The following GET1 variants were observed in gnomAD, a reference collection of about 807,000 sequenced individuals.
The protein encoded by GET1 is guided entry of tail-anchored proteins factor 1.
GET1 carries 20 observed loss-of-function variants against 22.6 expected under a neutral mutation model. The observed-to-expected ratio is 0.89, with a 90% CI of 0.62 to 1.29. The LOEUF is 1.29. Ranked by LOEUF, GET1 falls within the 50% of genes most tolerant of loss-of-function variation. The pLI is 0.00. For synonymous variants in GET1, 92 were observed against 83.8 expected, an observed-to-expected ratio of 1.10 and a Z score of -0.53; for missense variants, 209 against 219.9, an observed-to-expected ratio of 0.95 and a Z score of 0.31.
downstream of GET1, among the ~76,000 whole-genome samples, chr21:39,410,658 T>C (rs1014565860): frequency 6.6e-5 from 10 of 152,134 alleles, no homozygotes; most frequent in Admixed American, 5.2e-4. Context: ...TTCAGCAAGG[T>C]AGACGTGTAA....
intron 1 of GET1, among the ~76,000 whole-genome samples, chr21:39,412,384 C>A (rs2837012): frequency 0.72 from 110,260 of 152,084 alleles, 40,147 homozygotes; most frequent in Admixed American, 0.77. Flanking sequence ...TGAGTCTTGG[C>A]AAAACAGACA....
At chr21:39,425,587 T>A (rs964926554) in intron 1 of GET1, among the ~76,000 whole-genome samples, 22 of 152,128 alleles carry the variant, frequency 1.4e-4, no homozygotes, top group African/African-American at 5.1e-4. Flanking sequence ...CGAAGAGGTG[T>A]CTGTGGTTTT....
chr21:39,380,562 G>C (rs924374761), intron 1 of GET1, 76 bp downstream of exon 1: 4 of 1,553,892 alleles, frequency 2.6e-6, no homozygotes, highest in African/African-American at 1.4e-5. Flanking sequence ...CGTAGGTACA[G>C]GGGTCTCAAC....
At chr21:39,401,049 T>C (rs987105697), downstream of GET1, among the ~76,000 whole-genome samples, 1 of 152,076 alleles carries the variant, frequency 6.6e-6, no homozygotes. Context: ...TAGCTGGGAT[T>C]ACAGGCATGC....
chr21:39,400,791 T>G (rs1448766793), downstream of GET1, among the ~76,000 whole-genome samples: 3 of 152,156 alleles, frequency 2.0e-5, no homozygotes, highest in Non-Finnish European at 4.4e-5. Context: ...TGACTCTTAC[T>G]AGTGAATTCA....
intron 1 of GET1, 50 bp from the exon 2 acceptor site, chr21:39,390,648 T>C (rs765125906): frequency 1.2e-6 from 2 of 1,603,362 alleles, no homozygotes; most frequent in East Asian, 2.2e-5. Flanking sequence ...TGGGGAACCC[T>C]CCTGTGACCC....
chr21:39,406,270 C>T, exon 5 of GET1: 1 of 1,614,172 alleles, frequency 6.2e-7, no homozygotes, highest in African/African-American at 1.3e-5. Flanking sequence ...ATTGGCTGGC[C>T]CCCCTGAAGC....
At chr21:39,412,313 CG>C (rs771931249) in intron 1 of GET1, among the ~76,000 whole-genome samples, 9 of 151,932 alleles carry the variant, frequency 5.9e-5, no homozygotes, top group African/African-American at 1.2e-4. Flanking sequence ...AGACAAGGGC[CG>C]GGGGGGAAGC....
chr21:39,399,839 C>T (rs961927066), downstream of GET1, among the ~76,000 whole-genome samples: 8 of 151,828 alleles, frequency 5.3e-5, no homozygotes, highest in Non-Finnish European at 1.0e-4. Flanking sequence ...CTCTTCATAC[C>T]GATTTTGTCA....
At chr21:39,423,198 A>T (rs889818203) in intron 1 of GET1, 8 of 1,612,982 alleles carry the variant, frequency 5.0e-6, no homozygotes, top group Non-Finnish European at 6.8e-6. Context: ...TTTTTACTTC[A>T]TTCTGATGTT....
Position 39,396,854 on chromosome 21 carries a change from CTT to C in GET1, c.452-10_452-9del. The C allele has an allele frequency of 6.2e-7, 1 of 1,613,714 alleles. No homozygotes were observed. Among genetic ancestry groups the C allele is most frequent in the African/African-American group, 1.3e-5 (1 of 74,914 alleles). On this transcript the variant is annotated splice_polypyrimidine_tract_variant and intron_variant, in intron 4 of 4. Coordinates refer to ENST00000649170, the MANE Select transcript of GET1 (RefSeq NM_004627.6). ...TGGTATGCGCTCTCATGGTGAATGT[CTT>C]TGTTTTCAGGTGGTGTTGGAATTAC...
intron 1 of GET1, chr21:39,420,804 T>C (rs746616692): frequency 6.2e-7 from 1 of 1,613,172 alleles, no homozygotes; most frequent in Non-Finnish European, 8.5e-7. Flanking sequence ...AGCTGCCGGC[T>C]AAAGGCTCTG....
In GET1 at chr21:39,391,771, A is replaced by C; in HGVS notation, c.271A>C (p.Lys91Gln). 1 of 1,613,938 alleles carries C rather than the reference A, an allele frequency of 6.2e-7. No individual in the cohort carries two copies. Among genetic ancestry groups the C allele is most frequent in the Non-Finnish European group, 8.5e-7 (1 of 1,179,948 alleles). ...KMTDKLKTHV[K>Q]ARTAQLAKIK... ...ATTTATCCTGTTTTTCCTTTCAGTGAAAGCTCGGACAGCTCAATTAGCCAA... is the reference window on the plus strand; with the variant it reads ...ATTTATCCTGTTTTTCCTTTCAGTGCAAGCTCGGACAGCTCAATTAGCCAA... Residue 91 changes from lysine to glutamine, a missense_variant and splice_region_variant, in exon 3 of 5, where the codon AAA becomes CAA. By Grantham distance (53) the Lys-to-Gln change is moderately conservative (BLOSUM62 1). Transcript: ENST00000649170.
intron 1 of GET1, among the ~76,000 whole-genome samples, chr21:39,418,674 AT>A (rs2041738224): frequency 6.6e-6 from 1 of 151,852 alleles, no homozygotes. Flanking sequence ...TAATTTTTGT[AT>A]TTTTAGTAGA....
chr21:39,395,311 C>T (rs2038566483), intron 4 of GET1, among the ~76,000 whole-genome samples: 1 of 151,520 alleles, frequency 6.6e-6, no homozygotes, highest in Admixed American at 6.6e-5. Flanking sequence ...ACTTGCTGGT[C>T]TTTGGTTGTG....
At chr21:39,400,639 A>C (rs982204461), downstream of GET1, among the ~76,000 whole-genome samples, 6 of 152,156 alleles carry the variant, frequency 3.9e-5, no homozygotes, top group Non-Finnish European at 7.4e-5. Flanking sequence ...ATTCAAAGCC[A>C]TGTGTGACTG....
At chr21:39,410,417 C>A (rs754347167), downstream of GET1, 10 of 951,108 alleles carry the variant, frequency 1.1e-5, no homozygotes, top group African/African-American at 1.7e-5. Flanking sequence ...CATTTGGATA[C>A]AATATTGATT....
downstream of GET1, among the ~76,000 whole-genome samples, chr21:39,399,013 T>C (rs574640973): frequency 2.0e-5 from 3 of 152,384 alleles, no homozygotes; most frequent in African/African-American, 7.2e-5. Flanking sequence ...GTGCTGGGAT[T>C]ACAGGCGCAA....
At chr21:39,384,668 C>T (rs2037774156) in intron 1 of GET1, among the ~76,000 whole-genome samples, 2 of 151,684 alleles carry the variant, frequency 1.3e-5, no homozygotes. Flanking sequence ...TATTTCGTCA[C>T]CCAGTTATTA....
Sources: gnomAD v4.1 joint callset for allele counts (sites outside exome capture counted in the v4.1 genomes callset) on GRCh38, gnomAD v4.1.1 for gene constraint, MANE v1.5 for transcripts, NCBI Gene and HGNC (gene_info 2026-07-23, HGNC 2026-07-21) for gene names.